GOSR1: variants seen among roughly 807,000 people sequenced by gnomAD.
GOSR1 encodes golgi SNAP receptor complex member 1.
A neutral mutation model predicts 35.5 loss-of-function variants in GOSR1; 21 were observed. That is an observed-to-expected ratio of 0.59 (90% CI 0.42 to 0.85). GOSR1 has a LOEUF of 0.85. Among genes scored for constraint, GOSR1 ranks in the 40% least tolerant of loss-of-function variants. GOSR1 has a pLI of 0.00. For missense variants in GOSR1, 285 were observed against 309.6 expected, an observed-to-expected ratio of 0.92 and a Z score of 0.60; for synonymous variants, 94 against 106.6, an observed-to-expected ratio of 0.88 and a Z score of 0.73.
At chr17:30,478,902 A>T (rs1327820742) in intron 1 of GOSR1, 1 of 152,192 alleles carries the variant, frequency 6.6e-6, no homozygotes, top group African/African-American at 2.4e-5. Context: ...TGATATCTTT[A>T]TTACTAGTCA....
chr17:30,501,114 T>A (rs1012721775), intron 6 of GOSR1, among the ~76,000 whole-genome samples: 1 of 151,960 alleles, frequency 6.6e-6, no homozygotes, highest in Non-Finnish European at 1.5e-5. Flanking sequence ...TCTCCTGACC[T>A]CGTGATCCGC....
chr17:30,480,927 G>T (rs551463319), intron 1 of GOSR1: 34 of 392,500 alleles, frequency 8.7e-5, no homozygotes, highest in African/African-American at 7.0e-4. Flanking sequence ...GATCAGGCTG[G>T]TCTCAAACTC....
rs559696942 is a variant in GOSR1 at position 30,519,994 on chromosome 17, A to G, written c.595A>G (p.Ile199Val). ...TTCACAGAGAGGAATGTTGAAGTCAATTCACAGCAAAATGAACACTTTGGC... is the reference window on the plus strand; with the variant it reads ...TTCACAGAGAGGAATGTTGAAGTCAGTTCACAGCAAAATGAACACTTTGGC... ...MTSQRGMLKS[I>V]HSKMNTLANR... is the part of the protein sequence containing the mutation. The change falls in exon 8 of 9, where the codon ATT (isoleucine) becomes GTT (valine). Residue 199 changes from isoleucine (I) to valine (V), a missense_variant. By Grantham distance (29) the Ile-to-Val change is conservative. Around this residue, in one of 3 missense-constraint regions of GOSR1, gnomAD observed 168 missense variants for 183.2 expected, o/e 0.92. Coordinates refer to ENST00000451249, the MANE Select transcript of GOSR1 (RefSeq NM_001007025.2). The G allele has an allele frequency of 3.2e-5, 51 of 1,609,136 alleles. No individual in the cohort carries two copies. The highest frequency in any genetic ancestry group is 4.5e-5 in the East Asian group (2 of 44,814).
intron 4 of GOSR1, among the ~76,000 whole-genome samples, chr17:30,485,787 C>G (rs1914644825): frequency 6.6e-6 from 1 of 152,042 alleles, no homozygotes; most frequent in Admixed American, 6.6e-5. Flanking sequence ...TTTGGGAGGC[C>G]AAGGCAGGTG....
At chr17:30,515,248 A>G (rs1230674071) in intron 7 of GOSR1, among the ~76,000 whole-genome samples, 4 of 151,126 alleles carry the variant, frequency 2.6e-5, no homozygotes, top group Non-Finnish European at 4.4e-5. Context: ...CCACCTCAGC[A>G]TTCTGAATAG....
intron 7 of GOSR1, among the ~76,000 whole-genome samples, chr17:30,511,431 A>G (rs952180146): frequency 6.6e-6 from 1 of 152,234 alleles, no homozygotes; most frequent in Non-Finnish European, 1.5e-5. Context: ...ACAGTAAAAA[A>G]GTACATTAAC....
At chr17:30,511,173 T>A (rs1967599726) in intron 7 of GOSR1, among the ~76,000 whole-genome samples, 1 of 152,246 alleles carries the variant, frequency 6.6e-6, no homozygotes, top group South Asian at 2.1e-4. Flanking sequence ...ACTTAATATT[T>A]TCAATCTCAG....
intron 5 of GOSR1, among the ~76,000 whole-genome samples, chr17:30,491,026 C>T (rs981202472): frequency 2.0e-5 from 3 of 152,122 alleles, no homozygotes; most frequent in African/African-American, 2.4e-5. Context: ...TGTGTACTCT[C>T]GAAAACACTT....
intron 6 of GOSR1, chr17:30,495,640 C>T (rs150897059): frequency 1.6e-4 from 50 of 318,080 alleles, no homozygotes; most frequent in East Asian, 3.3e-4. Flanking sequence ...TTTCTCCTTC[C>T]AAGCCTCTGC....
chr17:30,520,166 T>C (rs1052020673), intron 8 of GOSR1, 145 bp downstream of exon 8: 5 of 566,258 alleles, frequency 8.8e-6, no homozygotes, highest in Admixed American at 2.9e-5. Context: ...TGTGCATTCC[T>C]ACTTTGTGAA....
chr17:30,509,447 A>G (rs560645257), intron 6 of GOSR1, among the ~76,000 whole-genome samples: 32 of 152,342 alleles, frequency 2.1e-4, no homozygotes, highest in African/African-American at 7.7e-4. Flanking sequence ...GTTCCCTAAT[A>G]TATGCAGTAA....
At chr17:30,511,057 T>C (rs1045824139) in intron 7 of GOSR1, 148 bp downstream of exon 7, 2 of 495,300 alleles carry the variant, frequency 4.0e-6, no homozygotes, top group East Asian at 6.4e-5. Context: ...GATGAAATTT[T>C]TACTATGTCC....
rs756480128 is a variant in GOSR1 at position 30,481,234 on chromosome 17, T to TA, written c.124dup (p.Thr42AsnfsTer10). 1 of 1,607,196 alleles carries TA rather than the reference T, an allele frequency of 6.2e-7. No individual in the cohort carries two copies. The highest frequency in any genetic ancestry group is 8.5e-7 in the Non-Finnish European group (1 of 1,173,728). On this transcript the variant is annotated frameshift_variant, in exon 2 of 9. Coordinates refer to ENST00000451249, the MANE Select transcript of GOSR1 (RefSeq NM_001007025.2). LOFTEE classifies it high-confidence loss of function. ...TATGTACAAGTTACAGTCATAGCAGTACCCGAGATGGAAGACGCGACAGGT... is the reference window on the plus strand; with the variant it reads ...TATGTACAAGTTACAGTCATAGCAGTAACCCGAGATGGAAGACGCGACAGGT...
intron 5 of GOSR1, among the ~76,000 whole-genome samples, chr17:30,491,585 G>A (rs1420060499): frequency 2.6e-5 from 4 of 152,136 alleles, no homozygotes; most frequent in Non-Finnish European, 5.9e-5. Context: ...GTTTAACCTG[G>A]GATGTGGAGG....
At chr17:30,502,428 G>T (rs1167708782) in intron 6 of GOSR1, among the ~76,000 whole-genome samples, 1 of 152,218 alleles carries the variant, frequency 6.6e-6, no homozygotes, top group South Asian at 2.1e-4. Flanking sequence ...GAGAACGGGT[G>T]TATAGTGTGT....
At position 30,490,202 on chromosome 17, in the gene GOSR1, T is replaced by C. The variant is rs1321562487; in HGVS notation, c.419T>C (p.Val140Ala). The C allele has an allele frequency of 6.7e-7, 1 of 1,494,888 alleles. No homozygotes were observed. The highest frequency in any genetic ancestry group is 9.3e-7 in the Non-Finnish European group (1 of 1,071,784). The allele number at this position is 1,494,888 out of a possible 1,614,324, so 92.6% of individuals were successfully genotyped here. Residue 140 changes from valine to alanine, a missense_variant, in exon 5 of 9, where the codon GTA becomes GCA. Val to Ala is a moderately conservative substitution (Grantham distance 64, BLOSUM62 0). Around this residue, in one of 3 missense-constraint regions of GOSR1, gnomAD observed 168 missense variants for 183.2 expected, o/e 0.92. Coordinates refer to ENST00000451249, the MANE Select transcript of GOSR1 (RefSeq NM_001007025.2). Reference sequence around the variant, plus strand: ...GAAAGGGAGAATCTTATGGGATCAGTACGAAAAGATATTGAGTAAGTTACT... The same window carrying C: ...GAAAGGGAGAATCTTATGGGATCAGCACGAAAAGATATTGAGTAAGTTACT... Reference protein sequence around the residue: ...IRERENLMGSVRKDIESYKSG... With the variant: ...IRERENLMGSARKDIESYKSG...
rs1426459681 is a variant in GOSR1 at position 30,524,027 on chromosome 17, T to A, written c.*1649T>A. The A allele has an allele frequency of 5.7e-6, 1 of 176,648 alleles. No homozygotes were observed. Among genetic ancestry groups the A allele is most frequent in the Non-Finnish European group, 1.2e-5 (1 of 86,394 alleles). 10.9% of individuals were successfully genotyped at this position (176,648 alleles called of 1,614,324 possible). ...CAGATGCTTGAAGGCAGCATGCTCC[T>A]TAAGAGTCATCACCACTCCCTAATC... On this transcript the variant is annotated 3_prime_UTR_variant, in exon 9 of 9. Coordinates refer to ENST00000451249, the MANE Select transcript of GOSR1 (RefSeq NM_001007025.2).
intron 6 of GOSR1, among the ~76,000 whole-genome samples, chr17:30,497,560 A>G (rs1338526934): frequency 1.3e-5 from 2 of 152,238 alleles, no homozygotes; most frequent in East Asian, 1.9e-4. Flanking sequence ...ATGTTAACCT[A>G]TTACAGAGCT....
chr17:30,484,797 C>A, intron 4 of GOSR1, 27 bp downstream of exon 4: 1 of 1,157,668 alleles, frequency 8.6e-7, no homozygotes, highest in Non-Finnish European at 1.3e-6. Flanking sequence ...GAGATGTTTT[C>A]ATTATCACAG....
Sources: allele counts gnomAD v4.1 joint callset (sites outside exome capture counted in the v4.1 genomes callset), GRCh38; gene constraint gnomAD v4.1.1; regional missense constraint gnomAD v4.1.1; transcripts MANE v1.5; gene names NCBI Gene and HGNC (gene_info 2026-07-23, HGNC 2026-07-21).